MAP3K15: variants seen among roughly 807,000 people sequenced by gnomAD.
The protein encoded by MAP3K15 is MAPK/ERK kinase kinase 15.
MAP3K15 carries 124 observed loss-of-function variants against 99.5 expected under a neutral mutation model. The observed-to-expected ratio is 1.25, with a 90% CI of 1.08 to 1.45. MAP3K15 has a LOEUF of 1.45. MAP3K15 is among the 40% of genes most tolerant of loss of function. The probability of loss-of-function intolerance (pLI) is 0.00; values close to 1 mark genes in which losing one functional copy is unlikely to be tolerated. For missense variants in MAP3K15, 1,242 were observed against 1,079.7 expected, an observed-to-expected ratio of 1.15 and a Z score of -2.11; for synonymous variants, 494 against 439.6, an observed-to-expected ratio of 1.12 and a Z score of -1.55.
intron 12 of MAP3K15, among the ~76,000 whole-genome samples, chrX:19,407,791 AT>A (rs1443954297): frequency 8.9e-6 from 1 of 112,321 alleles, no homozygotes; most frequent in East Asian, 2.8e-4. Flanking sequence ...TCTGTACCTG[AT>A]TCTACAGCTC....
rs904862757 is a variant in MAP3K15 at position 19,369,261 on chromosome X, C to T, written c.3401-42G>A. 3.3e-6 allele frequency: 4 copies of T among 1,203,534 alleles called. No homozygotes were observed. In the African/African-American group the frequency reaches 7.0e-5, roughly 21 times the overall value. On this transcript the variant is annotated intron_variant, in intron 24 of 28. Transcript: ENST00000338883. ...ACATGACAATGGTGAGCAAACCAGGCCAGTGGGGCCTGGGGTCGCAGACAC... is the reference window on the plus strand; with the variant it reads ...ACATGACAATGGTGAGCAAACCAGGTCAGTGGGGCCTGGGGTCGCAGACAC...
chrX:19,490,002 C>T, intron 1 of MAP3K15, among the ~76,000 whole-genome samples: 1 of 110,915 alleles, frequency 9.0e-6, no homozygotes, highest in Non-Finnish European at 1.9e-5. Flanking sequence ...TGCCACTGCA[C>T]TCCAGCCTGG....
intron 14 of MAP3K15, among the ~76,000 whole-genome samples, chrX:19,399,738 CCAAAAAAAAAAAA>C (rs1348499997): frequency 4.7e-5 from 2 of 42,825 alleles, no homozygotes; most frequent in African/African-American, 1.4e-4. Flanking sequence ...GACTCTGTTT[CCAAAAAAAAAAAA>C]AAAAAAAAAA....
intron 14 of MAP3K15, among the ~76,000 whole-genome samples, chrX:19,399,554 A>G (rs986365964): frequency 7.5e-5 from 7 of 93,876 alleles, no homozygotes; most frequent in African/African-American, 2.9e-4. Flanking sequence ...ACAGAGGAAG[A>G]CTCCATCTCT....
intron 6 of MAP3K15, among the ~76,000 whole-genome samples, chrX:19,447,832 C>T (rs1033426293): frequency 4.8e-5 from 4 of 84,136 alleles, no homozygotes; most frequent in Middle Eastern, 5.8e-3. Flanking sequence ...TGCAGTGAGC[C>T]GAGATCCCGC....
In MAP3K15 at chrX:19,480,415, G is replaced by C. The variant is rs556285329; in HGVS notation, c.525+6067C>G. Among the ~76,000 whole-genome samples, 7 of 111,403 alleles carry C rather than the reference G, an allele frequency of 6.3e-5. No homozygotes were observed. The South Asian group carries it at 1.9e-3, about 30-fold the overall frequency. The stretch of plus-strand genomic sequence containing the variant: ...AAGCTATAGTAATCAAAATAGTGCA[G>C]ACTGCAGTGAGCTGTGATTGCACTA... On this transcript the variant is annotated intron_variant, in intron 3 of 28. Coordinates refer to ENST00000338883, the MANE Select transcript of MAP3K15 (RefSeq NM_001001671.4).
intron 1 of MAP3K15, among the ~76,000 whole-genome samples, chrX:19,499,259 T>C (rs938983003): frequency 6.3e-5 from 7 of 111,769 alleles, no homozygotes; most frequent in African/African-American, 2.3e-4. Flanking sequence ...AGAACCACAA[T>C]TGACACGATT....
chrX:19,491,013 A>G (rs1360113313), intron 1 of MAP3K15, among the ~76,000 whole-genome samples: 1 of 111,248 alleles, frequency 9.0e-6, no homozygotes, highest in African/African-American at 3.3e-5. Flanking sequence ...ACTTCTAGAA[A>G]GTCACTCAAA....
At position 19,425,601 on chromosome X, in the gene MAP3K15, T is replaced by G. The variant is rs140553102; in HGVS notation, c.1369A>C (p.Met457Leu). ...GCTTTCCCGACATCATGGGCCAGCA[T>G]GCTGACGCTGAAGAACTGACCCACA... is the stretch of plus-strand genomic sequence containing the variant. ...WDVGQFFSVS[M>L]LAHDVGKAVQ... Residue 457 changes from methionine (M) to leucine (L), a missense_variant, in exon 9 of 29, where the codon ATG becomes CTG. Transcript: ENST00000338883. The G allele has an allele frequency of 1.4e-4, 162 of 1,197,875 alleles. 2 individuals carry two copies. In the African/African-American group the frequency reaches 2.6e-3, roughly 19 times the overall value.
intron 6 of MAP3K15, among the ~76,000 whole-genome samples, chrX:19,447,004 C>T (rs2064003111): frequency 1.8e-5 from 2 of 111,283 alleles, no homozygotes; most frequent in Non-Finnish European, 3.8e-5. Flanking sequence ...CAGCCTTGAC[C>T]TCCTGGGCTC....
At chrX:19,409,843 G>A (rs2063673935) in intron 12 of MAP3K15, 81 bp downstream of exon 12, 23 of 772,454 alleles carry the variant, frequency 3.0e-5, no homozygotes, top group South Asian at 2.3e-5. Flanking sequence ...CATATTATGA[G>A]TAAGTGGAAA....
At chrX:19,455,559 C>CA (rs917561568) in intron 6 of MAP3K15, among the ~76,000 whole-genome samples, 2 of 85,506 alleles carry the variant, frequency 2.3e-5, no homozygotes, top group Non-Finnish European at 4.3e-5. Flanking sequence ...GGGGTTTTGC[C>CA]ATGTTGCCCA....
chrX:19,417,317 G>A (rs757097102), intron 9 of MAP3K15, among the ~76,000 whole-genome samples: 6 of 112,253 alleles, frequency 5.3e-5, no homozygotes, highest in Non-Finnish European at 1.1e-4. Context: ...GTGACAGACG[G>A]CACCTGGAAA....
intron 19 of MAP3K15, among the ~76,000 whole-genome samples, chrX:19,377,052 G>T (rs1361599336): frequency 9.0e-6 from 1 of 111,553 alleles, no homozygotes; most frequent in Non-Finnish European, 1.9e-5. Flanking sequence ...ATCATTTTTG[G>T]GTGACACAGT....
intron 3 of MAP3K15, among the ~76,000 whole-genome samples, chrX:19,480,861 T>A (rs1181266476): frequency 1.7e-4 from 18 of 105,402 alleles, no homozygotes; most frequent in Non-Finnish European, 3.1e-4. Context: ...ATGCCTGTAA[T>A]CCCAGCACTT....
intron 19 of MAP3K15, among the ~76,000 whole-genome samples, chrX:19,379,378 T>C (rs1382268907): frequency 1.8e-5 from 2 of 108,235 alleles, no homozygotes; most frequent in Non-Finnish European, 1.9e-5. Flanking sequence ...TTTCTAACTT[T>C]GATGGTGGCT....
chrX:19,381,363 G>A (rs940087590), intron 18 of MAP3K15, among the ~76,000 whole-genome samples: 1 of 111,914 alleles, frequency 8.9e-6, no homozygotes, highest in Non-Finnish European at 1.9e-5. Context: ...GCCCGGAGAG[G>A]GCTTCAGCCA....
At position 19,380,139 on chromosome X, in the gene MAP3K15, G is replaced by A. The variant is rs780063008; in HGVS notation, c.2570C>T (p.Pro857Leu). ...SKPPFHELGE[P>L]QAAMFKVGMF... ...ACTTACTTTGAACATGGCTGCCTGCGGCTCACCAAGCTCATGGAACGGAGG... is the reference window on the plus strand; with the variant it reads ...ACTTACTTTGAACATGGCTGCCTGCAGCTCACCAAGCTCATGGAACGGAGG... The change falls in exon 19 of 29, where the codon CCG (proline) becomes CTG (leucine). Residue 857 changes from proline (P) to leucine (L), a missense_variant. Transcript: ENST00000338883. The A allele has an allele frequency of 1.4e-4, 171 of 1,192,110 alleles. No homozygotes were observed. The highest frequency in any genetic ancestry group is 1.8e-4 in the Non-Finnish European group (163 of 887,827).
intron 1 of MAP3K15, among the ~76,000 whole-genome samples, chrX:19,509,070 T>C (rs987783283): frequency 3.6e-5 from 4 of 111,072 alleles, no homozygotes; most frequent in African/African-American, 9.8e-5. Flanking sequence ...CAATCCACTA[T>C]ATGTGCTAGT....
Sources: gnomAD v4.1 joint callset for allele counts (sites outside exome capture counted in the v4.1 genomes callset) on GRCh38, gnomAD v4.1.1 for gene constraint, MANE v1.5 for transcripts, NCBI Gene and HGNC (gene_info 2026-07-23, HGNC 2026-07-21) for gene names.